The following MTUS1 variants were observed in gnomAD, a reference collection of about 807,000 sequenced individuals.
MTUS1 encodes the protein microtubule associated scaffold protein 1, also known as microtubule-associated tumor suppressor 1.
In MTUS1, 109 loss-of-function variants were observed where a neutral mutation model predicts 120.8. That is an observed-to-expected ratio of 0.90 (90% CI 0.77 to 1.06). MTUS1 has a LOEUF of 1.06. Among genes scored for constraint, MTUS1 ranks in the 50% least tolerant of loss-of-function variants. The pLI is 0.00. For synonymous variants in MTUS1, 737 were observed against 550.5 expected (o/e 1.34, Z -4.74); for missense variants, 2,210 against 1,486.3 (o/e 1.49, Z -8.01).
At position 17,643,893 on chromosome 8, in the gene MTUS1, A is replaced by G. The variant is rs1447081011; in HGVS notation, c.*2033T>C. On this transcript the variant is annotated 3_prime_UTR_variant, in exon 15 of 15. Transcript: ENST00000693296. ...CAACTACAGTTGTCTACACATTCATATTTTTGACGTGCCAACATTTTGCAT... is the reference window on the plus strand; with the variant it reads ...CAACTACAGTTGTCTACACATTCATGTTTTTGACGTGCCAACATTTTGCAT... 1 of 152,208 alleles carries G rather than the reference A, an allele frequency of 6.6e-6. No homozygotes were observed. The highest frequency in any genetic ancestry group is 2.4e-5 in the African/African-American group (1 of 41,446). The allele number at this position is 152,208 out of a possible 1,614,324, so 9.4% of individuals were successfully genotyped here. A position where few individuals can be genotyped will look rare whatever the true frequency, so the allele number is the denominator to read the frequency against.
chr8:17,747,956 G>A (rs908101565), intron 2 of MTUS1, among the ~76,000 whole-genome samples: 1 of 152,094 alleles, frequency 6.6e-6, no homozygotes, highest in Non-Finnish European at 1.5e-5. Flanking sequence ...CAGATCTTGT[G>A]AGACTTAATC....
chr8:17,689,086 C>T (rs902786703), intron 6 of MTUS1, among the ~76,000 whole-genome samples: 1 of 152,158 alleles, frequency 6.6e-6, no homozygotes, highest in African/African-American at 2.4e-5. Flanking sequence ...TGGCACCTGC[C>T]TGTACTCCCA....
chr8:17,660,558 T>C (rs1231286797), intron 8 of MTUS1, among the ~76,000 whole-genome samples: 2 of 152,126 alleles, frequency 1.3e-5, no homozygotes, highest in Non-Finnish European at 2.9e-5. Context: ...CCAGAAGGAA[T>C]TGCTGACTCA....
chr8:17,774,009 C>A (rs1173485733), intron 1 of MTUS1, among the ~76,000 whole-genome samples: 1 of 152,182 alleles, frequency 6.6e-6, no homozygotes, highest in Non-Finnish European at 1.5e-5. Flanking sequence ...CATCTACATT[C>A]TCTCCTTTAG....
chr8:17,759,663 T>C (rs1462928096), intron 1 of MTUS1, among the ~76,000 whole-genome samples: 2 of 148,380 alleles, frequency 1.3e-5, no homozygotes, highest in Admixed American at 6.7e-5. Context: ...TAATATAAAA[T>C]ATATATATTA....
intron 8 of MTUS1, among the ~76,000 whole-genome samples, chr8:17,657,086 C>T (rs1240222526): frequency 7.9e-6 from 1 of 127,156 alleles, no homozygotes; most frequent in Non-Finnish European, 1.7e-5. Flanking sequence ...AAAAAAGAAA[C>T]AAGTGGACCT....
Position 17,645,980 on chromosome 8 carries a change from C to G in MTUS1, c.3759G>C (p.Leu1253Phe), listed in dbSNP as rs1353626642. 3 of 1,613,450 alleles carry G rather than the reference C, an allele frequency of 1.9e-6. No homozygotes were observed. The highest frequency in any genetic ancestry group is 8.5e-7 in the Non-Finnish European group (1 of 1,179,950). ...AGGAGCCCGAATTCCTTGGTGACTG[C>G]AAAGGGATGGCGGAGGATGTGGGGG... is the stretch of plus-strand genomic sequence containing the variant. ...KRSPTSSAIPLQSPRNSGSFP... is the reference protein window; with the variant it reads ...KRSPTSSAIPFQSPRNSGSFP... The change falls in exon 15 of 15, where the codon TTG becomes TTC. Residue 1253 changes from leucine to phenylalanine, a missense_variant. Leu to Phe is a conservative substitution (Grantham distance 22). Coordinates refer to ENST00000693296, the MANE Select transcript of MTUS1 (RefSeq NM_001363059.2).
intron 1 of MTUS1, among the ~76,000 whole-genome samples, chr8:17,792,110 A>C (rs935680307): frequency 6.6e-6 from 1 of 152,146 alleles, no homozygotes; most frequent in African/African-American, 2.4e-5. Context: ...CTGGATACCC[A>C]TTACATTTTT....
At chr8:17,652,173 A>AT (rs897503973) in intron 12 of MTUS1, among the ~76,000 whole-genome samples, 29 of 152,308 alleles carry the variant, frequency 1.9e-4, no homozygotes, top group African/African-American at 5.3e-4. Context: ...AAGGAAACAA[A>AT]TTTTTTTCAA....
At chr8:17,768,389 T>C (rs912369857) in intron 1 of MTUS1, among the ~76,000 whole-genome samples, 3 of 152,202 alleles carry the variant, frequency 2.0e-5, no homozygotes, top group Admixed American at 2.0e-4. Context: ...ATGAATAATT[T>C]ATTAAGCATA....
chr8:17,751,921 G>A (rs971929941), intron 2 of MTUS1, among the ~76,000 whole-genome samples: 5 of 149,246 alleles, frequency 3.4e-5, no homozygotes, highest in African/African-American at 9.8e-5. Flanking sequence ...CCTTATGCCA[G>A]TTGATAAGCA....
intron 1 of MTUS1, among the ~76,000 whole-genome samples, chr8:17,789,581 A>G (rs889864589): frequency 6.6e-6 from 1 of 152,128 alleles, no homozygotes; most frequent in Non-Finnish European, 1.5e-5. Context: ...GCCAACACCA[A>G]ATGGAAAATG....
chr8:17,754,297 C>G lies in MTUS1; in HGVS notation c.1511G>C (p.Arg504Thr). Residue 504 changes from arginine (R) to threonine (T), a missense_variant, in exon 2 of 15, where the codon AGA becomes ACA. Physicochemically the swap from Arg to Thr is moderately conservative, Grantham distance 71 (BLOSUM62 -1). Coordinates refer to ENST00000693296, the MANE Select transcript of MTUS1 (RefSeq NM_001363059.2). ...TGCTTTGACATTCTTGAAGTTTGGT[C>G]TTGGGTAACTTATAATTTCAGTTTT... ...VRKTEIISYP[R>T]PNFKNVKAKV... The G allele has an allele frequency of 1.2e-6, 2 of 1,613,948 alleles. No individual in the cohort carries two copies. The highest frequency in any genetic ancestry group is 1.7e-6 in the Non-Finnish European group (2 of 1,180,018).
intron 3 of MTUS1, among the ~76,000 whole-genome samples, chr8:17,731,430 A>T (rs1047113563): frequency 2.0e-5 from 3 of 152,186 alleles, no homozygotes; most frequent in Non-Finnish European, 4.4e-5. Flanking sequence ...AAATGCTTAG[A>T]ACAGCATCTG....
At chr8:17,745,771 G>A (rs1025436127) in intron 2 of MTUS1, among the ~76,000 whole-genome samples, 11 of 152,108 alleles carry the variant, frequency 7.2e-5, no homozygotes, top group Admixed American at 2.6e-4. Flanking sequence ...CTACCTGTCC[G>A]GTTATTCCTT....
chr8:17,738,240 C>G (rs1298790109), intron 3 of MTUS1, among the ~76,000 whole-genome samples: 1 of 152,186 alleles, frequency 6.6e-6, no homozygotes, highest in Admixed American at 6.5e-5. Context: ...TCTCATGGGG[C>G]CTTTTCCCCA....
chr8:17,742,311 T>TTTTTTTTTA (rs1554516969), intron 3 of MTUS1, among the ~76,000 whole-genome samples: 11 of 139,620 alleles, frequency 7.9e-5, no homozygotes, highest in Non-Finnish European at 1.1e-4. Flanking sequence ...TTTTTTTTTT[T>TTTTTTTTTA]AGAGATAGTG....
At chr8:17,701,149 T>A (rs914698632) in intron 6 of MTUS1, among the ~76,000 whole-genome samples, 2 of 152,160 alleles carry the variant, frequency 1.3e-5, no homozygotes, top group Non-Finnish European at 1.5e-5. Flanking sequence ...ATCCAACCAA[T>A]CTTCCTTAGC....
intron 1 of MTUS1, among the ~76,000 whole-genome samples, chr8:17,763,867 G>A (rs1488957724): frequency 1.3e-5 from 2 of 152,198 alleles, no homozygotes; most frequent in African/African-American, 4.8e-5. Context: ...CTGGACCATA[G>A]AACTCACACA....
Sources: allele counts gnomAD v4.1 joint callset (sites outside exome capture counted in the v4.1 genomes callset), GRCh38; gene constraint gnomAD v4.1.1; transcripts MANE v1.5; gene names NCBI Gene and HGNC (gene_info 2026-07-23, HGNC 2026-07-21).